Variants in ATRNL1 observed in about 807,000 individuals in gnomAD.
ATRNL1 encodes the protein attractin like 1.
ATRNL1 carries 95 observed loss-of-function variants against 182.7 expected under a neutral mutation model. The observed-to-expected ratio is 0.52, with a 90% CI of 0.44 to 0.62. ATRNL1 has a LOEUF of 0.62. ATRNL1 is among the 20% of genes least tolerant of loss of function. ATRNL1 has a pLI of 0.00. For missense variants in ATRNL1, 1,471 were observed against 1,679.5 expected (o/e 0.88, Z 2.17); for synonymous variants, 576 against 568.3 (o/e 1.01, Z -0.19).
At chr10:115,738,517 G>A (rs1948048845) in intron 27 of ATRNL1, among the ~76,000 whole-genome samples, 1 of 152,012 alleles carries the variant, frequency 6.6e-6, no homozygotes, top group African/African-American at 2.4e-5. Flanking sequence ...TTGAAGTGAG[G>A]AAAGATCTAG....
intron 25 of ATRNL1, among the ~76,000 whole-genome samples, chr10:115,525,887 G>T (rs1405170322): frequency 1.3e-5 from 2 of 151,942 alleles, no homozygotes; most frequent in Non-Finnish European, 2.9e-5. Context: ...TACTTCCATG[G>T]CTCCTGCCAG....
chr10:115,549,687 C>G (rs967410233), intron 26 of ATRNL1, 151 bp downstream of exon 26: 1 of 472,972 alleles, frequency 2.1e-6, no homozygotes, highest in Non-Finnish European at 3.5e-6. Context: ...ATTTTTTAAG[C>G]TGTAGAGCAA....
At chr10:115,536,445 A>G (rs1852011556) in intron 25 of ATRNL1, among the ~76,000 whole-genome samples, 1 of 152,106 alleles carries the variant, frequency 6.6e-6, no homozygotes, top group Admixed American at 6.5e-5. Flanking sequence ...CTGGTGCGCC[A>G]TTTTTTAAGC....
chr10:115,110,034 T>C (rs1481384157), intron 1 of ATRNL1, among the ~76,000 whole-genome samples: 1 of 152,180 alleles, frequency 6.6e-6, no homozygotes, highest in Non-Finnish European at 1.5e-5. Context: ...AATCTGTACT[T>C]TAGATGTATA....
intron 26 of ATRNL1, among the ~76,000 whole-genome samples, chr10:115,717,123 A>T (rs1947276328): frequency 6.6e-6 from 1 of 152,160 alleles, no homozygotes. Flanking sequence ...AAGGTTACAT[A>T]CAAAATTGAC....
intron 28 of ATRNL1, among the ~76,000 whole-genome samples, chr10:115,857,212 G>C (rs1951210108): frequency 1.3e-5 from 2 of 152,010 alleles, no homozygotes; most frequent in Admixed American, 6.6e-5. Context: ...TTAATCAACT[G>C]TTTAGATTAT....
chr10:115,356,799 C>A (rs1184026875), intron 19 of ATRNL1, among the ~76,000 whole-genome samples: 4 of 151,750 alleles, frequency 2.6e-5, no homozygotes, highest in Non-Finnish European at 5.9e-5. Context: ...ATTTTTAGGC[C>A]CTTAGATCTG....
intron 21 of ATRNL1, among the ~76,000 whole-genome samples, chr10:115,432,368 A>C (rs1290762358): frequency 6.6e-6 from 1 of 152,108 alleles, no homozygotes; most frequent in Non-Finnish European, 1.5e-5. Flanking sequence ...GTTCTTTTAG[A>C]AATATCAGAA....
intron 27 of ATRNL1, among the ~76,000 whole-genome samples, chr10:115,802,802 A>C (rs1199713363): frequency 1.3e-5 from 2 of 152,192 alleles, no homozygotes; most frequent in African/African-American, 4.8e-5. Flanking sequence ...CTAATCCATA[A>C]ATCAGCAAAT....
chr10:115,402,997 A>AG (rs1844640287), intron 20 of ATRNL1, among the ~76,000 whole-genome samples: 1 of 151,784 alleles, frequency 6.6e-6, no homozygotes, highest in Non-Finnish European at 1.5e-5. Flanking sequence ...CTTCCTGAAC[A>AG]TTTTTTTTCC....
At chr10:115,533,853 C>T (rs1294380988) in intron 25 of ATRNL1, among the ~76,000 whole-genome samples, 2 of 150,974 alleles carry the variant, frequency 1.3e-5, no homozygotes, top group East Asian at 1.9e-4. Context: ...GCCTTCATTT[C>T]GTTATGTACC....
At chr10:115,498,045 C>T (rs1280713354) in intron 24 of ATRNL1, among the ~76,000 whole-genome samples, 4 of 152,158 alleles carry the variant, frequency 2.6e-5, no homozygotes, top group Admixed American at 2.0e-4. Context: ...GAATAAATTA[C>T]TTTATGCCAT....
Position 115,331,860 on chromosome 10 carries a change from C to A in ATRNL1, c.3038-2422C>A, listed in dbSNP as rs139193616. On this transcript the variant is annotated intron_variant, in intron 18 of 28. Coordinates refer to ENST00000355044, the MANE Select transcript of ATRNL1 (RefSeq NM_207303.4). Reference sequence around the variant, plus strand: ...GATCATGGGAGATCCATATTGGGTGCCCAGGCCATGTAAGAGATCAGGGTC... The same window carrying A: ...GATCATGGGAGATCCATATTGGGTGACCAGGCCATGTAAGAGATCAGGGTC... Among the ~76,000 whole-genome samples, 3 of 152,044 alleles carry A rather than the reference C, an allele frequency of 2.0e-5. No homozygotes were observed. In the East Asian group the frequency reaches 5.8e-4, roughly 29 times the overall value.
At chr10:115,799,062 T>A (rs932774080) in intron 27 of ATRNL1, among the ~76,000 whole-genome samples, 6 of 152,040 alleles carry the variant, frequency 3.9e-5, no homozygotes, top group Non-Finnish European at 7.4e-5. Flanking sequence ...CCTGACCTCG[T>A]GTTCCGCCCA....
intron 28 of ATRNL1, among the ~76,000 whole-genome samples, chr10:115,905,430 A>C (rs936658680): frequency 6.7e-6 from 1 of 148,166 alleles, no homozygotes; most frequent in Non-Finnish European, 1.5e-5. Flanking sequence ...GGGTCTTCCT[A>C]TGTTGCCCAG....
At chr10:115,826,552 G>A (rs549322113) in intron 27 of ATRNL1, among the ~76,000 whole-genome samples, 1 of 152,106 alleles carries the variant, frequency 6.6e-6, no homozygotes, top group Non-Finnish European at 1.5e-5. Flanking sequence ...GTGAGCAGGG[G>A]TGTTAGAGCT....
At chr10:115,202,933 A>C (rs1212883760) in intron 8 of ATRNL1, among the ~76,000 whole-genome samples, 1 of 150,778 alleles carries the variant, frequency 6.6e-6, no homozygotes, top group Non-Finnish European at 1.5e-5. Flanking sequence ...CTATTCAGAG[A>C]TTCAACTTCT....
At chr10:115,330,767 G>T (rs1554934810) in intron 18 of ATRNL1, among the ~76,000 whole-genome samples, 1 of 137,404 alleles carries the variant, frequency 7.3e-6, no homozygotes. Flanking sequence ...TATCTTATTT[G>T]GATTGAATCT....
intron 13 of ATRNL1, among the ~76,000 whole-genome samples, chr10:115,268,965 C>T (rs1554911874): frequency 6.6e-6 from 1 of 152,178 alleles, no homozygotes; most frequent in Non-Finnish European, 1.5e-5. Context: ...TTTGCAGAGA[C>T]ATTTTGGTTG....
Sources: allele counts gnomAD v4.1 joint callset (sites outside exome capture counted in the v4.1 genomes callset), GRCh38; gene constraint gnomAD v4.1.1; transcripts MANE v1.5; gene names NCBI Gene and HGNC (gene_info 2026-07-23, HGNC 2026-07-21).